Variants in TLE4 observed in about 807,000 individuals in gnomAD.
TLE4 encodes the protein TLE family member 4, transcriptional corepressor, also known as transducin-like enhancer protein 4.
In TLE4, 8 loss-of-function variants were observed where a neutral mutation model predicts 92.8. The ratio of observed to expected loss-of-function variants is 0.09; its 90% CI spans 0.05 to 0.16. The LOEUF (loss-of-function observed/expected upper bound fraction) is 0.16, where lower values mean the gene tolerates loss of function less well. Ranked by LOEUF, TLE4 falls within the 10% of genes least tolerant of loss-of-function variation. The pLI, the probability that TLE4 is intolerant of heterozygous loss-of-function variation, is 1.00. For synonymous variants in TLE4, 371 were observed against 374.1 expected, an observed-to-expected ratio of 0.99 and a Z score of 0.10; for missense variants, 675 against 997.6, an observed-to-expected ratio of 0.68 and a Z score of 4.36.
intron 8 of TLE4, among the ~76,000 whole-genome samples, chr9:79,668,473 A>C (rs1400658241): frequency 6.6e-6 from 1 of 152,206 alleles, no homozygotes; most frequent in African/African-American, 2.4e-5. Flanking sequence ...ACCAAACTGG[A>C]AAATTTTGTT....
intron 4 of TLE4, among the ~76,000 whole-genome samples, chr9:79,608,569 T>G (rs1342036332): frequency 2.0e-5 from 3 of 152,050 alleles, no homozygotes; most frequent in African/African-American, 7.2e-5. Context: ...AATAGATTCA[T>G]CTTTAAAAAA....
intron 5 of TLE4, among the ~76,000 whole-genome samples, chr9:79,616,349 C>G (rs938573185): frequency 2.0e-5 from 3 of 152,150 alleles, no homozygotes; most frequent in Non-Finnish European, 2.9e-5. Flanking sequence ...TAGCGTGAAA[C>G]ACATCCAATG....
At chr9:79,691,765 ATC>A (rs2067129507) in intron 8 of TLE4, among the ~76,000 whole-genome samples, 1 of 152,218 alleles carries the variant, frequency 6.6e-6, no homozygotes, top group African/African-American at 2.4e-5. Flanking sequence ...CCAGAATGTC[ATC>A]TTTTTGCAGA....
intron 7 of TLE4, 87 bp downstream of exon 7, chr9:79,652,881 AT>A: frequency 7.1e-7 from 1 of 1,403,508 alleles, no homozygotes; most frequent in Non-Finnish European, 1.0e-6. Flanking sequence ...TTCTCTCTGA[AT>A]TTAGTTTTAC....
intron 5 of TLE4, among the ~76,000 whole-genome samples, chr9:79,624,169 C>T (rs1008524987): frequency 3.7e-5 from 3 of 80,726 alleles, no homozygotes; most frequent in Non-Finnish European, 5.1e-5. Context: ...TGTTAAAACC[C>T]GAAAATGGAA....
chr9:79,611,189 G>A (rs1410879787), intron 4 of TLE4, among the ~76,000 whole-genome samples: 3 of 152,032 alleles, frequency 2.0e-5, no homozygotes, highest in Non-Finnish European at 4.4e-5. Flanking sequence ...GAGTGGTTTG[G>A]TGATTCCCAT....
At chr9:79,691,030 G>T (rs566703715) in intron 8 of TLE4, among the ~76,000 whole-genome samples, 1 of 152,070 alleles carries the variant, frequency 6.6e-6, no homozygotes. Flanking sequence ...TTCTAATTTT[G>T]TATTCACATA....
chr9:79,606,493 A>T (rs1426126815), intron 4 of TLE4, among the ~76,000 whole-genome samples: 1 of 151,498 alleles, frequency 6.6e-6, no homozygotes. Flanking sequence ...CGTCATTTAC[A>T]TTAGGTATTT....
chr9:79,595,118 C>T (rs1403621890), intron 4 of TLE4, among the ~76,000 whole-genome samples: 1 of 152,182 alleles, frequency 6.6e-6, no homozygotes, highest in African/African-American at 2.4e-5. Flanking sequence ...GTTTTTGCAA[C>T]TGTAGACACT....
rs373437726 is a variant in TLE4 at position 79,724,988 on chromosome 9, G to T, written c.2215-49G>T. The stretch of plus-strand genomic sequence containing the variant: ...TTGCTCTAAGTCCTCCATACTCATG[G>T]GATTTTCTTTCAGTATTTAACATTT... On this transcript the variant is annotated intron_variant, in intron 19 of 19. Coordinates refer to ENST00000376552, the MANE Select transcript of TLE4 (RefSeq NM_007005.6). The T allele has an allele frequency of 2.7e-4, 382 of 1,439,018 alleles. 1 individual carries two copies. The highest frequency in any genetic ancestry group is 3.5e-4 in the Non-Finnish European group (357 of 1,027,424). The allele number at this position is 1,439,018 out of a possible 1,614,324, so 89.1% of individuals were successfully genotyped here.
chr9:79,706,364 T>A (rs2071563828), intron 10 of TLE4, among the ~76,000 whole-genome samples: 1 of 152,106 alleles, frequency 6.6e-6, no homozygotes, highest in Admixed American at 6.6e-5. Flanking sequence ...ATAAAAATTA[T>A]GTACTACTGA....
chr9:79,632,254 C>T (rs997283825), intron 6 of TLE4, among the ~76,000 whole-genome samples: 2 of 152,204 alleles, frequency 1.3e-5, no homozygotes, highest in Non-Finnish European at 2.9e-5. Context: ...GGAATGCTCC[C>T]CGCATTCTCT....
At chr9:79,593,773 C>T (rs1017221637) in intron 4 of TLE4, among the ~76,000 whole-genome samples, 2 of 152,100 alleles carry the variant, frequency 1.3e-5, no homozygotes, top group African/African-American at 2.4e-5. Context: ...AAATACTTTT[C>T]TAGTCTAGGT....
chr9:79,678,382 A>G (rs977436975), intron 8 of TLE4, among the ~76,000 whole-genome samples: 12 of 152,116 alleles, frequency 7.9e-5, no homozygotes, highest in African/African-American at 2.7e-4. Context: ...ATTGGAAACC[A>G]CATACAGACC....
intron 1 of TLE4, 53 bp downstream of exon 1, chr9:79,572,888 G>A (rs1424885304): frequency 1.3e-6 from 2 of 1,551,278 alleles, no homozygotes; most frequent in African/African-American, 1.4e-5. Context: ...GATTCCCCGC[G>A]TCGCCCCCTG....
At chr9:79,602,851 CCTT>C (rs1291883769) in intron 4 of TLE4, among the ~76,000 whole-genome samples, 5 of 152,010 alleles carry the variant, frequency 3.3e-5, no homozygotes, top group African/African-American at 1.2e-4. Context: ...AAATTGAAAA[CCTT>C]CTGGAAAGGA....
At chr9:79,674,813 A>G (rs530650501) in intron 8 of TLE4, among the ~76,000 whole-genome samples, 53 of 152,228 alleles carry the variant, frequency 3.5e-4, no homozygotes, top group Admixed American at 3.5e-3. Flanking sequence ...TTTGTGTTAA[A>G]TTTCTCATAT....
At chr9:79,706,446 G>A (rs1368076839) in intron 10 of TLE4, among the ~76,000 whole-genome samples, 1 of 148,760 alleles carries the variant, frequency 6.7e-6, no homozygotes, top group Non-Finnish European at 1.5e-5. Context: ...ATTCTCTACT[G>A]CAGTGAAGGC....
chr9:79,664,288 T>G (rs1185544225), intron 8 of TLE4, among the ~76,000 whole-genome samples: 1 of 152,212 alleles, frequency 6.6e-6, no homozygotes, highest in East Asian at 1.9e-4. Flanking sequence ...AATAAAAATT[T>G]TTCTAGTAAA....
Sources: allele counts gnomAD v4.1 joint callset (sites outside exome capture counted in the v4.1 genomes callset), GRCh38; gene constraint gnomAD v4.1.1; transcripts MANE v1.5; gene names NCBI Gene and HGNC (gene_info 2026-07-23, HGNC 2026-07-21).